The following STXBP5L variants were observed in gnomAD, a reference collection of about 807,000 sequenced individuals.
STXBP5L encodes syntaxin-binding protein 5-like.
STXBP5L carries 65 observed loss-of-function variants against 144.5 expected under a neutral mutation model. That is an observed-to-expected ratio of 0.45 (90% CI 0.37 to 0.55). The LOEUF is 0.55. Ranked by LOEUF, STXBP5L falls within the 20% of genes least tolerant of loss-of-function variation. STXBP5L has a pLI of 0.00. For synonymous variants in STXBP5L, 505 were observed against 469.6 expected (o/e 1.08, Z -0.97); for missense variants, 1,298 against 1,405.5 (o/e 0.92, Z 1.22).
chr3:121,125,276 C>T (rs767237275), intron 7 of STXBP5L, among the ~76,000 whole-genome samples: 2 of 152,008 alleles, frequency 1.3e-5, no homozygotes, highest in Non-Finnish European at 2.9e-5. Flanking sequence ...CAAGACCAGC[C>T]TGGCCAACAT....
At chr3:121,051,499 CGAAAA>C (rs1195903497) in intron 5 of STXBP5L, among the ~76,000 whole-genome samples, 1 of 151,966 alleles carries the variant, frequency 6.6e-6, no homozygotes, top group Admixed American at 6.6e-5. Flanking sequence ...GGGTACGTGA[CGAAAA>C]GAAGACAGAA....
At chr3:120,964,635 A>T (rs1303351407) in intron 3 of STXBP5L, among the ~76,000 whole-genome samples, 3 of 152,130 alleles carry the variant, frequency 2.0e-5, no homozygotes, top group African/African-American at 7.2e-5. Flanking sequence ...GGTCTGAGAG[A>T]CAGTTTGTTG....
intron 2 of STXBP5L, among the ~76,000 whole-genome samples, chr3:120,931,198 C>A (rs1422794122): frequency 6.6e-6 from 1 of 151,062 alleles, no homozygotes; most frequent in African/African-American, 2.4e-5. Context: ...TTCAAAGAAA[C>A]ACGAATTAGA....
chr3:120,961,696 C>T (rs1047858036), intron 3 of STXBP5L, among the ~76,000 whole-genome samples: 2 of 152,130 alleles, frequency 1.3e-5, no homozygotes, highest in Non-Finnish European at 2.9e-5. Flanking sequence ...GGGATGCTTC[C>T]AAGTCTTTGC....
At chr3:121,343,057 T>C (rs2044787421) in intron 20 of STXBP5L, among the ~76,000 whole-genome samples, 1 of 152,174 alleles carries the variant, frequency 6.6e-6, no homozygotes, top group South Asian at 2.1e-4. Context: ...TGTGAAATGG[T>C]ATCTCATTGT....
At chr3:121,257,387 T>G (rs2050242563) in intron 17 of STXBP5L, 54 bp downstream of exon 17, 1 of 1,446,236 alleles carries the variant, frequency 6.9e-7, no homozygotes, top group Non-Finnish European at 9.5e-7. Flanking sequence ...CATATGTCTT[T>G]GAAACTGTGA....
intron 3 of STXBP5L, among the ~76,000 whole-genome samples, chr3:120,995,302 C>T (rs978325968): frequency 6.6e-6 from 1 of 152,078 alleles, no homozygotes; most frequent in Non-Finnish European, 1.5e-5. Flanking sequence ...AGTGTTCCAC[C>T]ATGCCTGGCT....
At position 121,258,525 on chromosome 3, in the gene STXBP5L, A is replaced by G. The variant is rs992899700; in HGVS notation, c.1833-518A>G. 6.6e-5 allele frequency among the ~76,000 whole-genome samples: 10 copies of G among 152,308 alleles called. No homozygotes were observed. In the South Asian group the frequency reaches 1.4e-3, roughly 22 times the overall value. ...ATCTACAAAGAGAAAACATCATCAT[A>G]AAATTTTAGCTAGTGGATATATTTT... On this transcript the variant is annotated intron_variant, in intron 17 of 26. Coordinates refer to ENST00000471454, the MANE Select transcript of STXBP5L (RefSeq NM_001308330.2).
chr3:121,392,555 A>T (rs1459154140), intron 22 of STXBP5L, among the ~76,000 whole-genome samples: 3 of 151,922 alleles, frequency 2.0e-5, no homozygotes, highest in Non-Finnish European at 2.9e-5. Flanking sequence ...CAGTCTTTAC[A>T]TTCTTTTATA....
chr3:121,251,952 A>G (rs1168939920), intron 15 of STXBP5L, among the ~76,000 whole-genome samples: 2 of 152,166 alleles, frequency 1.3e-5, no homozygotes, highest in Admixed American at 1.3e-4. Flanking sequence ...AGGACAACAG[A>G]CTTTCTGTTG....
At chr3:121,328,705 G>A (rs1014549348) in intron 20 of STXBP5L, among the ~76,000 whole-genome samples, 4 of 151,860 alleles carry the variant, frequency 2.6e-5, no homozygotes, top group African/African-American at 4.8e-5. Context: ...AGCTGAGATC[G>A]CACCACTGCA....
At chr3:121,375,311 G>C (rs564866256) in intron 20 of STXBP5L, among the ~76,000 whole-genome samples, 6 of 152,240 alleles carry the variant, frequency 3.9e-5, no homozygotes, top group African/African-American at 1.4e-4. Context: ...GCACATTATA[G>C]TCAGAATCCA....
At chr3:121,345,630 G>T (rs1351405189) in intron 20 of STXBP5L, among the ~76,000 whole-genome samples, 1 of 152,088 alleles carries the variant, frequency 6.6e-6, no homozygotes, top group Non-Finnish European at 1.5e-5. Context: ...CACAAACAGT[G>T]TAAAAGCGTG....
intron 3 of STXBP5L, among the ~76,000 whole-genome samples, chr3:120,963,987 T>A (rs1041425254): frequency 6.6e-6 from 1 of 152,216 alleles, no homozygotes; most frequent in Non-Finnish European, 1.5e-5. Context: ...GACTTCTTCC[T>A]GGCTTAGTGT....
chr3:121,384,300 C>T (rs1392792457), intron 22 of STXBP5L, among the ~76,000 whole-genome samples: 1 of 151,966 alleles, frequency 6.6e-6, no homozygotes, highest in Non-Finnish European at 1.5e-5. Context: ...GGAAGAGCTC[C>T]CTAACAAAGA....
intron 5 of STXBP5L, among the ~76,000 whole-genome samples, chr3:121,100,715 A>G (rs888960555): frequency 1.5e-4 from 23 of 152,076 alleles, no homozygotes; most frequent in Admixed American, 1.5e-3. Flanking sequence ...CTAATCCTAA[A>G]GCTAGCATCG....
At chr3:121,344,636 G>A (rs962762474) in intron 20 of STXBP5L, among the ~76,000 whole-genome samples, 2 of 152,010 alleles carry the variant, frequency 1.3e-5, no homozygotes, top group African/African-American at 4.8e-5. Flanking sequence ...ATACAATAGT[G>A]TAATTTTAAA....
intron 9 of STXBP5L, among the ~76,000 whole-genome samples, chr3:121,187,600 TAAA>T (rs60294540): frequency 6.8e-6 from 1 of 146,286 alleles, no homozygotes; most frequent in Non-Finnish European, 1.5e-5. Flanking sequence ...CCATGAATGA[TAAA>T]AAAAAAAGAA....
intron 20 of STXBP5L, among the ~76,000 whole-genome samples, chr3:121,326,448 T>G (rs550092214): frequency 1.3e-5 from 2 of 152,250 alleles, no homozygotes; most frequent in South Asian, 4.1e-4. Flanking sequence ...AATTTGTTAC[T>G]GTATTCCAAC....
Sources: allele counts gnomAD v4.1 joint callset (sites outside exome capture counted in the v4.1 genomes callset), GRCh38; gene constraint gnomAD v4.1.1; transcripts MANE v1.5; gene names NCBI Gene and HGNC (gene_info 2026-07-23, HGNC 2026-07-21).